Variants in PSMA6 observed in about 807,000 individuals in gnomAD.
The protein encoded by PSMA6 is proteasome subunit alpha type-6.
For synonymous variants in PSMA6, 88 were observed against 97.7 expected, an observed-to-expected ratio of 0.90 and a Z score of 0.59; for missense variants, 170 against 294.8, an observed-to-expected ratio of 0.58 and a Z score of 3.10.
intron 1 of PSMA6, among the ~76,000 whole-genome samples, chr14:35,294,121 C>T (rs752373809): frequency 7.9e-5 from 12 of 152,208 alleles, no homozygotes; most frequent in Non-Finnish European, 1.6e-4. Context: ...CTCGGCTCCC[C>T]GCAATCTCCG....
chr14:35,306,706 C>G (rs1480730328), intron 1 of PSMA6, among the ~76,000 whole-genome samples: 2 of 152,154 alleles, frequency 1.3e-5, no homozygotes, highest in Non-Finnish European at 2.9e-5. Context: ...GATCTGTAAT[C>G]TTACTGTCGA....
intron 1 of PSMA6, among the ~76,000 whole-genome samples, chr14:35,282,466 TC>T (rs1358400394): frequency 6.6e-6 from 1 of 152,032 alleles, no homozygotes; most frequent in Non-Finnish European, 1.5e-5. Context: ...TCACTATGTT[TC>T]CCAGGCTGGT....
chr14:35,306,983 C>T (rs1020616694), intron 1 of PSMA6, among the ~76,000 whole-genome samples: 7 of 151,796 alleles, frequency 4.6e-5, no homozygotes, highest in African/African-American at 1.7e-4. Flanking sequence ...CCCATCTTTA[C>T]TAAAAATACA....
At chr14:35,296,821 T>A (rs994656295) in intron 1 of PSMA6, among the ~76,000 whole-genome samples, 6 of 152,174 alleles carry the variant, frequency 3.9e-5, no homozygotes, top group Non-Finnish European at 7.3e-5. Context: ...GATTTGAAAT[T>A]CAATGCATGT....
intron 1 of PSMA6, among the ~76,000 whole-genome samples, chr14:35,279,982 A>T (rs907980206): frequency 6.6e-6 from 1 of 151,520 alleles, no homozygotes; most frequent in Non-Finnish European, 1.5e-5. Flanking sequence ...AAAATTAGCC[A>T]GGCGTGGTGG....
intron 1 of PSMA6, among the ~76,000 whole-genome samples, chr14:35,296,505 A>G (rs1392997322): frequency 6.6e-6 from 1 of 151,614 alleles, no homozygotes; most frequent in Non-Finnish European, 1.5e-5. Flanking sequence ...TAGTTTTTGT[A>G]TTTTTTGTAG....
In PSMA6 at chr14:35,314,437, T is replaced by C. The variant is rs376971702; in HGVS notation, c.665T>C (p.Val222Ala). 16 of 1,610,852 alleles carry C rather than the reference T, an allele frequency of 9.9e-6. No homozygotes were observed. In the South Asian group the frequency reaches 1.2e-4, roughly 12 times the overall value. The change falls in exon 6 of 7, where the codon GTT becomes GCT. Residue 222 changes from valine to alanine, a missense_variant. Coordinates refer to ENST00000261479, the MANE Select transcript of PSMA6 (RefSeq NM_002791.3). The stretch of plus-strand genomic sequence containing the variant: ...GAAATAGAAGTTGGAGTAGTGACAG[T>C]TGAAAATCCTAAATTCAGGTGAGTG... ...PSEIEVGVVT[V>A]ENPKFRILTE...
intron 1 of PSMA6, among the ~76,000 whole-genome samples, chr14:35,307,558 AC>A: frequency 6.6e-6 from 1 of 152,110 alleles, no homozygotes. Flanking sequence ...ACACAGCGAA[AC>A]CCCGTCTCTA....
chr14:35,317,249 G>A lies in PSMA6; in HGVS notation c.684G>A (p.Arg228=). ...GVVTVENPKF[R]ILTEAEIDAH... ...TTTTTTTCCCCCTTTTGCCTTCTAGGATTCTTACAGAAGCAGAGATTGATG... is the reference window on the plus strand; with the variant it reads ...TTTTTTTCCCCCTTTTGCCTTCTAGAATTCTTACAGAAGCAGAGATTGATG... The change falls in exon 7 of 7, where the codon AGG becomes AGA. Residue 228 remains arginine (R), a splice_region_variant and synonymous_variant. Transcript: ENST00000261479. 6.2e-7 allele frequency: 1 copy of A among 1,612,660 alleles called. No individual in the cohort carries two copies. The highest frequency in any genetic ancestry group is 1.1e-5 in the South Asian group (1 of 91,022).
At chr14:35,283,194 T>C (rs971560262) in intron 1 of PSMA6, among the ~76,000 whole-genome samples, 1 of 151,790 alleles carries the variant, frequency 6.6e-6, no homozygotes, top group Non-Finnish European at 1.5e-5. Context: ...TCCAAAATAG[T>C]ATGTCTAGTA....
chr14:35,281,613 T>G (rs908841953), intron 1 of PSMA6, among the ~76,000 whole-genome samples: 5 of 152,306 alleles, frequency 3.3e-5, no homozygotes, highest in Non-Finnish European at 4.4e-5. Flanking sequence ...GTCCAAGTCC[T>G]GAGTCAGTCT....
upstream of PSMA6, among the ~76,000 whole-genome samples, chr14:35,290,699 T>G (rs1055933538): frequency 2.6e-5 from 4 of 152,178 alleles, no homozygotes; most frequent in Non-Finnish European, 5.9e-5. Flanking sequence ...TATCTTGCCT[T>G]CCTTGTACAC....
intron 1 of PSMA6, among the ~76,000 whole-genome samples, chr14:35,295,708 T>C (rs2051573621): frequency 6.6e-6 from 1 of 152,194 alleles, no homozygotes; most frequent in South Asian, 2.1e-4. Context: ...CACCTCGGCC[T>C]CCCAAAGTGC....
chr14:35,282,654 C>T (rs144092068), intron 1 of PSMA6, among the ~76,000 whole-genome samples: 1 of 152,132 alleles, frequency 6.6e-6, no homozygotes, highest in African/African-American at 2.4e-5. Flanking sequence ...AGCTCAAGAC[C>T]AGCCTGGGAA....
At chr14:35,293,347 G>A in intron 1 of PSMA6, 1 of 206,776 alleles carries the variant, frequency 4.8e-6, no homozygotes, top group South Asian at 6.1e-5. Flanking sequence ...GAATAGTAAT[G>A]TATTGCGCTG....
At chr14:35,278,743 G>C in intron 1 of PSMA6, 1 of 1,532,816 alleles carries the variant, frequency 6.5e-7, no homozygotes, top group Non-Finnish European at 8.7e-7. Flanking sequence ...CAGACTTGTT[G>C]CTTGAGATGT....
chr14:35,288,662 C>T (rs2051445673), upstream of PSMA6, among the ~76,000 whole-genome samples: 1 of 152,170 alleles, frequency 6.6e-6, no homozygotes, highest in Non-Finnish European at 1.5e-5. Flanking sequence ...ATACACCATC[C>T]AAAATCCTAT....
chr14:35,292,570 G>T lies in PSMA6; in HGVS notation c.76+18G>T. 6.2e-7 allele frequency: 1 copy of T among 1,611,802 alleles called. No homozygotes were observed. Among genetic ancestry groups the T allele is most frequent in the Non-Finnish European group, 8.5e-7 (1 of 1,178,668 alleles). ...CCAAGTAGGTGAGTGAACCAGGTTC[G>T]CCTGTGGGCCACCTGAATTGCCCTG... is the stretch of plus-strand genomic sequence containing the variant. On this transcript the variant is annotated intron_variant, in intron 1 of 6. Coordinates refer to ENST00000261479, the MANE Select transcript of PSMA6 (RefSeq NM_002791.3).
At chr14:35,295,198 T>A (rs2051559710) in intron 1 of PSMA6, among the ~76,000 whole-genome samples, 1 of 151,780 alleles carries the variant, frequency 6.6e-6, no homozygotes, top group African/African-American at 2.4e-5. Flanking sequence ...AACTAGCTGC[T>A]TGTGCTGGCG....
Sources: gnomAD v4.1 joint callset for allele counts (sites outside exome capture counted in the v4.1 genomes callset) on GRCh38, gnomAD v4.1.1 for gene constraint, MANE v1.5 for transcripts, NCBI Gene and HGNC (gene_info 2026-07-23, HGNC 2026-07-21) for gene names.